Variants in DNAH12 observed in about 807,000 individuals in gnomAD.
DNAH12 encodes axonemal beta dynein heavy chain 12.
In DNAH12, 285 loss-of-function variants were observed where a neutral mutation model predicts 371.5. That is an observed-to-expected ratio of 0.77 (90% CI 0.70 to 0.85). DNAH12 has a LOEUF of 0.85. Among genes scored for constraint, DNAH12 ranks in the 40% least tolerant of loss-of-function variants. The pLI is 0.00. For missense variants in DNAH12, 3,611 were observed against 3,689.4 expected (o/e 0.98, Z 0.55); for synonymous variants, 1,200 against 1,213.0 (o/e 0.99, Z 0.22).
At chr3:57,384,803 A>T (rs2063469521) in intron 49 of DNAH12, 26 bp downstream of exon 49, 1 of 152,244 alleles carries the variant, frequency 6.6e-6, no homozygotes, top group Non-Finnish European at 1.5e-5. Context: ...TTGATGAAAC[A>T]CAAAGTAGCT....
chr3:57,448,586 C>T lies in DNAH12; in HGVS notation c.3787-1897G>A, dbSNP rs536754169. Among the ~76,000 whole-genome samples, 4 of 152,330 alleles carry T rather than the reference C, an allele frequency of 2.6e-5. No individual in the cohort carries two copies. The East Asian group carries it at 7.7e-4, about 29-fold the overall frequency. Reference sequence around the variant, plus strand: ...TATTGCAAAAAGCAAAAGAACAAAGCTTCCACAGCGTGGAATAGAACCCGA... The same window carrying T: ...TATTGCAAAAAGCAAAAGAACAAAGTTTCCACAGCGTGGAATAGAACCCGA... On this transcript the variant is annotated intron_variant, in intron 25 of 73. Transcript: ENST00000495027.
At chr3:57,547,391 C>T (rs1416321974), upstream of DNAH12, among the ~76,000 whole-genome samples, 1 of 151,828 alleles carries the variant, frequency 6.6e-6, no homozygotes, top group Non-Finnish European at 1.5e-5. Flanking sequence ...CTCCTGGCCT[C>T]AAGCAATCCT....
chr3:57,510,959 C>T lies in DNAH12; in HGVS notation c.300G>A (p.Lys100=). 1 of 1,601,132 alleles carries T rather than the reference C, an allele frequency of 6.2e-7. No homozygotes were observed. The highest frequency in any genetic ancestry group is 8.5e-7 in the Non-Finnish European group (1 of 1,177,282). ...CTAAAGGACTACTTTCTACACATTG[C>T]TTCATATAAATATAGTTGAACTGAG... The part of the protein sequence containing the change: ...KKKGFNYIYM[K]QCVESSPLVP... The change falls in exon 5 of 74, where the codon AAG becomes AAA. Residue 100 remains lysine, a synonymous_variant. Transcript: ENST00000495027.
Position 57,310,795 on chromosome 3 carries a change from A to C in DNAH12, c.10818T>G (p.Pro3606=). 1 of 1,551,672 alleles carries C rather than the reference A, an allele frequency of 6.4e-7. No homozygotes were observed. Among genetic ancestry groups the C allele is most frequent in the Non-Finnish European group, 8.7e-7 (1 of 1,146,964 alleles). ...DFYNLYIVEN[P]HYKFSPSGNY... ...TTCCACTGGGAGAAAACTTATAATGAGGGTTTTCAACTATGTACAGATTAT... is the reference window on the plus strand; with the variant it reads ...TTCCACTGGGAGAAAACTTATAATGCGGGTTTTCAACTATGTACAGATTAT... Residue 3606 remains proline, a synonymous_variant, in exon 67 of 74, where the codon CCT becomes CCG. Coordinates refer to ENST00000495027, the MANE Select transcript of DNAH12 (RefSeq NM_001366028.2).
At chr3:57,315,949 T>C (rs998529662) in intron 65 of DNAH12, among the ~76,000 whole-genome samples, 2 of 151,828 alleles carry the variant, frequency 1.3e-5, no homozygotes, top group Admixed American at 6.6e-5. Context: ...CTATGAAGAG[T>C]CTGAACTCAC....
chr3:57,512,268 C>T (rs2068028006), intron 4 of DNAH12, among the ~76,000 whole-genome samples: 1 of 152,012 alleles, frequency 6.6e-6, no homozygotes, highest in Non-Finnish European at 1.5e-5. Flanking sequence ...TTGCATTATT[C>T]CACTTATATA....
rs140872360 is a variant in DNAH12, at chr3:57,478,996, C to A, written c.1650+4380G>T. On this transcript the variant is annotated intron_variant, in intron 13 of 73. Transcript: ENST00000495027. ...TGCCAAATTGTAAAGACCATCGAGG[C>A]TAGGAAGAAACTGCATCAAGTAACG... 1.1e-4 allele frequency among the ~76,000 whole-genome samples: 17 copies of A among 152,246 alleles called. No individual in the cohort carries two copies. In the East Asian group the frequency reaches 3.1e-3, roughly 28 times the overall value.
upstream of DNAH12, among the ~76,000 whole-genome samples, chr3:57,546,257 G>A (rs1162184144): frequency 2.0e-5 from 3 of 152,206 alleles, no homozygotes; most frequent in Non-Finnish European, 4.4e-5. Flanking sequence ...TGCTGGCAGA[G>A]AGCTTTCTTC....
chr3:57,446,943 T>C (rs2065522251), intron 25 of DNAH12, among the ~76,000 whole-genome samples: 2 of 152,212 alleles, frequency 1.3e-5, no homozygotes, highest in Non-Finnish European at 2.9e-5. Context: ...TTAAAAACAA[T>C]CTAGCCTTAT....
chr3:57,392,700 A>C (rs1398847546), intron 44 of DNAH12, among the ~76,000 whole-genome samples: 3 of 152,244 alleles, frequency 2.0e-5, no homozygotes, highest in Non-Finnish European at 4.4e-5. Flanking sequence ...CAGTATATAG[A>C]ATATGATCCT....
At chr3:57,388,645 C>T (rs2063545094) in intron 45 of DNAH12, among the ~76,000 whole-genome samples, 1 of 151,926 alleles carries the variant, frequency 6.6e-6, no homozygotes, top group Non-Finnish European at 1.5e-5. Context: ...ACTTACACAT[C>T]ATTAAAAAAC....
chr3:57,470,921 G>A (rs1422972949), intron 15 of DNAH12, among the ~76,000 whole-genome samples: 1 of 152,044 alleles, frequency 6.6e-6, no homozygotes, highest in Non-Finnish European at 1.5e-5. Context: ...TGGCTAGGCT[G>A]GTCTCGAACT....
At chr3:57,525,660 A>C (rs2153398753) in intron 2 of DNAH12, among the ~76,000 whole-genome samples, 1 of 152,232 alleles carries the variant, frequency 6.6e-6, no homozygotes, top group South Asian at 2.1e-4. Context: ...TTTGTGTTAC[A>C]AACAATTCAA....
chr3:57,532,947 G>A (rs747617530), intron 2 of DNAH12, among the ~76,000 whole-genome samples: 50 of 152,180 alleles, frequency 3.3e-4, no homozygotes, highest in Non-Finnish European at 6.2e-4. Context: ...GCCCCAGGTG[G>A]GTCCAGAGAT....
chr3:57,325,332 C>T (rs9790116), intron 62 of DNAH12, among the ~76,000 whole-genome samples: 48,906 of 152,086 alleles, frequency 0.32, 8,711 homozygotes, highest in African/African-American at 0.46. Flanking sequence ...CAAGTAGGGG[C>T]AAACTGACAC....
At chr3:57,393,662 A>AAAAAAG (rs2063677481) in intron 44 of DNAH12, among the ~76,000 whole-genome samples, 1 of 144,986 alleles carries the variant, frequency 6.9e-6, no homozygotes, top group African/African-American at 2.8e-5. Context: ...GAAAGAAAGA[A>AAAAAAG]AAAGAAAAAG....
intron 11 of DNAH12, among the ~76,000 whole-genome samples, chr3:57,499,399 T>C (rs757710963): frequency 1.2e-4 from 18 of 151,526 alleles, no homozygotes; most frequent in Non-Finnish European, 2.5e-4. Flanking sequence ...TAAAGTTAAT[T>C]TCTCTTGAAA....
In DNAH12 at chr3:57,428,702, T is replaced by C. The variant is rs2064860003; in HGVS notation, c.5184A>G (p.Gln1728=). Reference sequence around the variant, plus strand: ...AGGCAAAAAGTCCTCTCAGAAGAGCTTGATATTCTGGTTCACACAGAGGTC... The same window carrying C: ...AGGCAAAAAGTCCTCTCAGAAGAGCCTGATATTCTGGTTCACACAGAGGTC... ...LKGPLCEPEY[Q]ALLRGLFAWL... The change falls in exon 34 of 74, where the codon CAA becomes CAG. Residue 1728 remains glutamine (Q), a synonymous_variant. Coordinates refer to ENST00000495027, the MANE Select transcript of DNAH12 (RefSeq NM_001366028.2). The C allele has an allele frequency of 8.4e-6, 13 of 1,551,446 alleles. No individual in the cohort carries two copies. Among genetic ancestry groups the C allele is most frequent in the South Asian group, 1.2e-5 (1 of 83,968 alleles).
chr3:57,362,567 T>G (rs1213627299), intron 58 of DNAH12, among the ~76,000 whole-genome samples: 1 of 152,180 alleles, frequency 6.6e-6, no homozygotes, highest in South Asian at 2.1e-4. Flanking sequence ...TTCTAACTGG[T>G]GTGAGATGGT....
Sources: allele counts gnomAD v4.1 joint callset (sites outside exome capture counted in the v4.1 genomes callset), GRCh38; gene constraint gnomAD v4.1.1; transcripts MANE v1.5; gene names NCBI Gene and HGNC (gene_info 2026-07-23, HGNC 2026-07-21).